The following CSMD3 variants were observed in gnomAD, a reference collection of about 807,000 sequenced individuals.
CSMD3 encodes the protein CUB and Sushi multiple domains 3, also known as CUB and sushi domain-containing protein 3.
CSMD3 carries 177 observed loss-of-function variants against 435.2 expected under a neutral mutation model. The observed-to-expected ratio is 0.41, with a 90% CI of 0.36 to 0.46. The LOEUF is 0.46. CSMD3 is among the 20% of genes least tolerant of loss of function. The pLI is 0.34. For synonymous variants in CSMD3, 1,656 were observed against 1,520.5 expected, an observed-to-expected ratio of 1.09 and a Z score of -2.07; for missense variants, 4,265 against 4,504.6, an observed-to-expected ratio of 0.95 and a Z score of 1.52.
At position 112,650,220 on chromosome 8, in the gene CSMD3, T is replaced by G. The variant is rs767273053; in HGVS notation, c.3134A>C (p.Glu1045Ala). The G allele has an allele frequency of 1.9e-6, 3 of 1,614,040 alleles. No homozygotes were observed. The highest frequency in any genetic ancestry group is 1.7e-6 in the Non-Finnish European group (2 of 1,179,932). Reference protein sequence around the residue: ...SCDSGYRLSHEEPLLCEKNHW... With the variant: ...SCDSGYRLSHAEPLLCEKNHW... ...GTTTTTTTCGCATAGAAGGGGCTCT[T>G]CATGACTCAACCTGTATCCTGAATC... The change falls in exon 19 of 71, where the codon GAA (glutamate) becomes GCA (alanine). Residue 1045 changes from glutamate to alanine, a missense_variant. By Grantham distance (107) the Glu-to-Ala change is moderately radical. Transcript: ENST00000297405.
chr8:113,314,375 A>C (rs1404552028), intron 2 of CSMD3, 196 bp downstream of exon 2: 7 of 577,890 alleles, frequency 1.2e-5, no homozygotes, highest in Non-Finnish European at 1.8e-5. Flanking sequence ...ACATAGTATT[A>C]ATGTACTAGC....
chr8:113,280,072 A>T (rs2132467008), intron 2 of CSMD3, among the ~76,000 whole-genome samples: 1 of 151,964 alleles, frequency 6.6e-6, no homozygotes, highest in South Asian at 2.1e-4. Flanking sequence ...GTTAGCTAGT[A>T]TTTTGTTAAT....
At chr8:112,349,551 T>C (rs1825962461) in intron 40 of CSMD3, among the ~76,000 whole-genome samples, 1 of 152,034 alleles carries the variant, frequency 6.6e-6, no homozygotes, top group Admixed American at 6.6e-5. Context: ...TCTTTTATAT[T>C]CTCAACTTTT....
At chr8:112,627,395 A>C (rs534385098) in intron 22 of CSMD3, among the ~76,000 whole-genome samples, 1 of 152,194 alleles carries the variant, frequency 6.6e-6, no homozygotes, top group South Asian at 2.1e-4. Context: ...GCACTTTCGT[A>C]ATTCTTTCTC....
intron 13 of CSMD3, among the ~76,000 whole-genome samples, chr8:112,714,831 A>C (rs2076688334): frequency 6.6e-6 from 1 of 152,196 alleles, no homozygotes; most frequent in South Asian, 2.1e-4. Context: ...TCCTGGTTAA[A>C]AATAATGAAA....
chr8:112,525,751 C>CATATATAT (rs553559009), intron 27 of CSMD3, among the ~76,000 whole-genome samples: 76 of 119,470 alleles, frequency 6.4e-4, no homozygotes, highest in African/African-American at 1.8e-3. Flanking sequence ...CATATATATA[C>CATATATAT]ATATATATAT....
intron 3 of CSMD3, among the ~76,000 whole-genome samples, chr8:113,185,947 C>A (rs1033978934): frequency 6.6e-6 from 1 of 151,990 alleles, no homozygotes; most frequent in East Asian, 1.9e-4. Flanking sequence ...AGGGAATCTG[C>A]CCCGTATCTG....
chr8:113,148,230 AT>A (rs1409818660), intron 4 of CSMD3, among the ~76,000 whole-genome samples: 1 of 151,494 alleles, frequency 6.6e-6, no homozygotes, highest in Non-Finnish European at 1.5e-5. Flanking sequence ...TTTTCATCTT[AT>A]TTTTCATCAC....
intron 27 of CSMD3, among the ~76,000 whole-genome samples, chr8:112,519,241 T>C (rs986300999): frequency 6.6e-6 from 1 of 152,176 alleles, no homozygotes; most frequent in Non-Finnish European, 1.5e-5. Context: ...ATGCCTCCTT[T>C]TCCTTAACAT....
In CSMD3 at chr8:112,873,238, A is replaced by G. The variant is rs563277862; in HGVS notation, c.1634-13972T>C. 4.6e-5 allele frequency among the ~76,000 whole-genome samples: 7 copies of G among 152,146 alleles called. No homozygotes were observed. The South Asian group carries it at 8.3e-4, about 18-fold the overall frequency. The stretch of plus-strand genomic sequence containing the variant: ...AGCTAGAACTAACCATTAAACATTA[A>G]GTCTCCACCTAATGGCACAAGAAAT... On this transcript the variant is annotated intron_variant, in intron 10 of 70. Transcript: ENST00000297405.
At chr8:112,778,873 T>C (rs779175764) in intron 13 of CSMD3, among the ~76,000 whole-genome samples, 4 of 151,962 alleles carry the variant, frequency 2.6e-5, no homozygotes, top group Non-Finnish European at 5.9e-5. Context: ...ATCTGGGCCA[T>C]TTTAATAGGT....
rs553686322 is a variant in CSMD3, at chr8:112,479,803, A to G, written c.5279-7096T>C. 2.6e-5 allele frequency among the ~76,000 whole-genome samples: 4 copies of G among 152,364 alleles called. No individual in the cohort carries two copies. In the East Asian group the frequency reaches 5.8e-4, roughly 22 times the overall value. On this transcript the variant is annotated intron_variant, in intron 31 of 70. Transcript: ENST00000297405. ...CCGGGTGCCCAGGCAGAAGCCTGCTATAGGGTTGGAGCCCCACAGAGAAAC... is the reference window on the plus strand; with the variant it reads ...CCGGGTGCCCAGGCAGAAGCCTGCTGTAGGGTTGGAGCCCCACAGAGAAAC...
intron 6 of CSMD3, among the ~76,000 whole-genome samples, chr8:112,982,772 A>G (rs545105680): frequency 6.6e-6 from 1 of 152,086 alleles, no homozygotes; most frequent in East Asian, 1.9e-4. Context: ...AAATTAGTAA[A>G]AATGTCTAAA....
intron 1 of CSMD3, among the ~76,000 whole-genome samples, chr8:113,350,697 G>A (rs1367283694): frequency 1.3e-5 from 2 of 152,022 alleles, no homozygotes; most frequent in Non-Finnish European, 2.9e-5. Flanking sequence ...CTAAGTTGCT[G>A]CATTCTAAAA....
In CSMD3 at chr8:112,340,234, C is replaced by T. The variant is rs1050454660; in HGVS notation, c.6652+1243G>A. Among the ~76,000 whole-genome samples the T allele has an allele frequency of 2.6e-5, 4 of 152,122 alleles. No individual in the cohort carries two copies. The South Asian group carries it at 8.3e-4, about 31-fold the overall frequency. On this transcript the variant is annotated intron_variant, in intron 42 of 70. Transcript: ENST00000297405. ...AAAGAAGAGAAATTCAACCAATTAC[C>T]CAATTGTTTTAAAAATAATTAATTT...
At chr8:113,431,908 A>C (rs1419063928) in intron 1 of CSMD3, among the ~76,000 whole-genome samples, 1 of 152,094 alleles carries the variant, frequency 6.6e-6, no homozygotes, top group Admixed American at 6.6e-5. Context: ...AGACGCGTAT[A>C]CTCCAAATTA....
At chr8:112,727,603 G>A (rs940962571) in intron 13 of CSMD3, among the ~76,000 whole-genome samples, 13 of 151,494 alleles carry the variant, frequency 8.6e-5, no homozygotes, top group Non-Finnish European at 1.8e-4. Flanking sequence ...CTGACCATCA[G>A]CCTATATATA....
At chr8:112,630,177 G>A (rs913706849) in intron 22 of CSMD3, among the ~76,000 whole-genome samples, 1 of 152,036 alleles carries the variant, frequency 6.6e-6, no homozygotes, top group Non-Finnish European at 1.5e-5. Flanking sequence ...TCAACCCACA[G>A]AAACCATGAG....
At chr8:113,114,991 C>T (rs532914574) in intron 4 of CSMD3, among the ~76,000 whole-genome samples, 64 of 152,264 alleles carry the variant, frequency 4.2e-4, no homozygotes, top group Non-Finnish European at 7.9e-4. Flanking sequence ...TGCCTACTTT[C>T]GTTACTTAAA....
Sources: gnomAD v4.1 joint callset for allele counts (sites outside exome capture counted in the v4.1 genomes callset) on GRCh38, gnomAD v4.1.1 for gene constraint, MANE v1.5 for transcripts, NCBI Gene and HGNC (gene_info 2026-07-23, HGNC 2026-07-21) for gene names.